The following KIAA1671 variants were observed in gnomAD, a reference collection of about 807,000 sequenced individuals.
KIAA1671 encodes the protein KIAA1671, also known as uncharacterized protein KIAA1671.
Under a neutral mutation model 131.2 loss-of-function variants are expected in KIAA1671, and 52 were observed. That is an observed-to-expected ratio of 0.40 (90% CI 0.32 to 0.50). The LOEUF is 0.50. KIAA1671 is among the 20% of genes least tolerant of loss of function. The pLI is 0.73. For synonymous variants in KIAA1671, 1,003 were observed against 961.6 expected (o/e 1.04, Z -0.80); for missense variants, 2,360 against 2,364.2 (o/e 1.00, Z 0.04).
At chr22:25,113,358 G>T (rs1931480226) in intron 6 of KIAA1671, among the ~76,000 whole-genome samples, 1 of 152,218 alleles carries the variant, frequency 6.6e-6, no homozygotes, top group Non-Finnish European at 1.5e-5. Context: ...CCTAAAGAGA[G>T]GGCCTGCCAT....
intron 6 of KIAA1671, among the ~76,000 whole-genome samples, chr22:25,099,663 C>T (rs565084879): frequency 3.3e-5 from 5 of 149,626 alleles, no homozygotes; most frequent in East Asian, 4.0e-4. Flanking sequence ...CACAGGTGTG[C>T]GCCACCATAC....
chr22:25,084,273 C>T (rs557272709), intron 6 of KIAA1671, among the ~76,000 whole-genome samples: 103 of 152,024 alleles, frequency 6.8e-4, no homozygotes, highest in African/African-American at 2.0e-3. Flanking sequence ...GTTAGGAGTT[C>T]GAAACCACCT....
At chr22:25,148,776 T>C (rs1409248986) in intron 6 of KIAA1671, among the ~76,000 whole-genome samples, 1 of 152,186 alleles carries the variant, frequency 6.6e-6, no homozygotes, top group East Asian at 1.9e-4. Flanking sequence ...TGCCCTGACC[T>C]TGAGTCTTAT....
At chr22:24,954,843 C>T (rs1383038809) in intron 1 of KIAA1671, among the ~76,000 whole-genome samples, 1 of 152,122 alleles carries the variant, frequency 6.6e-6, no homozygotes, top group Admixed American at 6.6e-5. Flanking sequence ...TGCAATGGCG[C>T]GATCTCGGCT....
chr22:25,031,221 C>T lies in KIAA1671; in HGVS notation c.1542-1388C>T, dbSNP rs752766005. Among the ~76,000 whole-genome samples the T allele has an allele frequency of 2.0e-3, 235 of 120,252 alleles. 3 individuals are homozygous for T. Among genetic ancestry groups the T allele is most frequent in the Non-Finnish European group, 2.5e-3 (153 of 60,688 alleles). The allele number at this position is 120,252 out of a possible 152,430, so 78.9% of individuals were successfully genotyped here. On this transcript the variant is annotated intron_variant, in intron 3 of 12. Transcript: ENST00000358431. The stretch of plus-strand genomic sequence containing the variant: ...TTTTTTTTTTTTTTTTTTTTTGAGA[C>T]GGAGTCTCGCTCTGCCGCTGAGGCC...
chr22:24,982,275 C>CAAA, intron 1 of KIAA1671, among the ~76,000 whole-genome samples: 1 of 152,340 alleles, frequency 6.6e-6, no homozygotes, highest in Admixed American at 6.5e-5. Flanking sequence ...CAAACAGTGT[C>CAAA]ATCAAGTTCC....
rs1333995227 is a variant in KIAA1671, at chr22:25,194,748, C to G, written c.*2347C>G. The G allele has an allele frequency of 6.6e-6, 1 of 152,158 alleles. No individual in the cohort carries two copies. Among genetic ancestry groups the G allele is most frequent in the Non-Finnish European group, 1.5e-5 (1 of 68,044 alleles). The allele number at this position is 152,158 out of a possible 1,614,324, so 9.4% of individuals were successfully genotyped here. On this transcript the variant is annotated 3_prime_UTR_variant, in exon 13 of 13. Transcript: ENST00000358431. Reference sequence around the variant, plus strand: ...CTCACCTCCTTTTATTTTTCTATAACCTTGTCTCCTCCAGCACCACAGGGA... The same window carrying G: ...CTCACCTCCTTTTATTTTTCTATAAGCTTGTCTCCTCCAGCACCACAGGGA...
intron 6 of KIAA1671, among the ~76,000 whole-genome samples, chr22:25,093,596 G>C (rs1038730488): frequency 7.9e-5 from 12 of 151,726 alleles, no homozygotes; most frequent in African/African-American, 2.7e-4. Context: ...ACACTTGGTG[G>C]GGAGCGGGGA....
At chr22:25,043,126 G>T (rs1226153210) in intron 5 of KIAA1671, among the ~76,000 whole-genome samples, 2 of 150,478 alleles carry the variant, frequency 1.3e-5, no homozygotes, top group African/African-American at 4.9e-5. Flanking sequence ...GGGGAGGAAA[G>T]GAGGAAGGGA....
At chr22:24,993,164 C>T (rs545272561) in intron 1 of KIAA1671, among the ~76,000 whole-genome samples, 1 of 152,106 alleles carries the variant, frequency 6.6e-6, no homozygotes, top group African/African-American at 2.4e-5. Context: ...TGCTGTCCCC[C>T]CACCGGGAGT....
intron 1 of KIAA1671, chr22:25,014,445 G>C (rs1464337552): frequency 6.6e-6 from 1 of 151,742 alleles, no homozygotes; most frequent in African/African-American, 2.4e-5. Context: ...GTCTTACTCT[G>C]TCACCCAGGC....
rs567152813 is a variant in KIAA1671 at position 25,127,744 on chromosome 22, C to A, written c.4531-43076C>A. ...TGGATTTTCTTTTCCTCTTCTCATG[C>A]ATAAATACAAGTCCTTTTGTGGGGG... On this transcript the variant is annotated intron_variant, in intron 6 of 12. Coordinates refer to ENST00000358431, the MANE Select transcript of KIAA1671 (RefSeq NM_001145206.2). Among the ~76,000 whole-genome samples the A allele has an allele frequency of 7.2e-5, 11 of 152,310 alleles. No homozygotes were observed. In the South Asian group the frequency reaches 2.1e-3, roughly 29 times the overall value.
At chr22:25,112,514 C>T in intron 6 of KIAA1671, 1 of 398,026 alleles carries the variant, frequency 2.5e-6, no homozygotes, top group Non-Finnish European at 4.4e-6. Context: ...AAGCTCCTCC[C>T]CTCCAGTCCT....
At chr22:25,157,145 A>G (rs1283325963) in intron 6 of KIAA1671, among the ~76,000 whole-genome samples, 1 of 152,230 alleles carries the variant, frequency 6.6e-6, no homozygotes, top group African/African-American at 2.4e-5. Flanking sequence ...AGAATTATAT[A>G]CTTACATATA....
chr22:25,044,935 TG>T, intron 5 of KIAA1671, among the ~76,000 whole-genome samples: 1 of 151,724 alleles, frequency 6.6e-6, no homozygotes. Flanking sequence ...CCGAGGCGGG[TG>T]GATCACGAGG....
chr22:24,960,136 A>C (rs1281085260), intron 1 of KIAA1671, among the ~76,000 whole-genome samples: 1 of 139,960 alleles, frequency 7.1e-6, no homozygotes, highest in Admixed American at 6.9e-5. Context: ...GTCTCAAATA[A>C]ATAAATAAAT....
chr22:25,179,252 C>G (rs1934169709), intron 9 of KIAA1671: 1 of 1,538,926 alleles, frequency 6.5e-7, no homozygotes, highest in Non-Finnish European at 8.8e-7. Flanking sequence ...GTGAACGAAA[C>G]AAAACCAAAA....
At chr22:25,103,114 T>A (rs1930780610) in intron 6 of KIAA1671, among the ~76,000 whole-genome samples, 1 of 151,696 alleles carries the variant, frequency 6.6e-6, no homozygotes, top group South Asian at 2.1e-4. Flanking sequence ...TGCAGAGAAA[T>A]GAGGTGGTGA....
intron 6 of KIAA1671, among the ~76,000 whole-genome samples, chr22:25,167,517 G>A (rs987041097): frequency 3.3e-5 from 5 of 152,202 alleles, no homozygotes; most frequent in Admixed American, 3.3e-4. Context: ...TGGTGATGTA[G>A]GTGAATTGAT....
Sources: gnomAD v4.1 joint callset for allele counts (sites outside exome capture counted in the v4.1 genomes callset) on GRCh38, gnomAD v4.1.1 for gene constraint, MANE v1.5 for transcripts, NCBI Gene and HGNC (gene_info 2026-07-23, HGNC 2026-07-21) for gene names.